Variants in SLC4A7 observed in about 807,000 individuals in gnomAD.
SLC4A7 encodes solute carrier family 4 member 7.
In SLC4A7, 51 loss-of-function variants were observed where a neutral mutation model predicts 137.6. The ratio of observed to expected loss-of-function variants is 0.37; its 90% CI spans 0.30 to 0.47. The LOEUF (loss-of-function observed/expected upper bound fraction) is 0.47, where lower values mean the gene tolerates loss of function less well. SLC4A7 is among the 20% of genes least tolerant of loss of function. SLC4A7 has a pLI of 1.00. For synonymous variants in SLC4A7, 542 were observed against 518.6 expected, an observed-to-expected ratio of 1.05 and a Z score of -0.61; for missense variants, 1,247 against 1,525.4, an observed-to-expected ratio of 0.82 and a Z score of 3.04.
At chr3:27,424,995 G>A (rs527796607) in intron 7 of SLC4A7, among the ~76,000 whole-genome samples, 5 of 152,190 alleles carry the variant, frequency 3.3e-5, no homozygotes, top group South Asian at 2.1e-4. Flanking sequence ...CCAACATTTC[G>A]CAATAATAAA....
rs2049833136 is a variant in SLC4A7, at chr3:27,375,355, G to C, written c.*1409C>G. ...TTTGATTTTTGTAAATTATTCTCTT[G>C]TCAAATCAGTTTCACAACCCCATTC... On this transcript the variant is annotated 3_prime_UTR_variant, in exon 26 of 26. Transcript: ENST00000454389. 1 of 151,934 alleles carries C rather than the reference G, an allele frequency of 6.6e-6. No homozygotes were observed. Among genetic ancestry groups the C allele is most frequent in the South Asian group, 2.1e-4 (1 of 4,824 alleles). 9.4% of individuals were successfully genotyped at this position (151,934 alleles called of 1,614,324 possible). A position where few individuals can be genotyped will look rare whatever the true frequency, so the allele number is the denominator to read the frequency against.
At chr3:27,399,380 C>T (rs1450046063) in intron 16 of SLC4A7, among the ~76,000 whole-genome samples, 5 of 152,284 alleles carry the variant, frequency 3.3e-5, no homozygotes, top group African/African-American at 1.2e-4. Context: ...TACACCTCTT[C>T]CTTAACAAAA....
chr3:27,480,806 CT>C (rs2150760296), intron 1 of SLC4A7, among the ~76,000 whole-genome samples: 1 of 151,644 alleles, frequency 6.6e-6, no homozygotes, highest in East Asian at 1.9e-4. Flanking sequence ...TTTTTAATTT[CT>C]TACAGACTGA....
chr3:27,464,653 A>C (rs1183632754), intron 1 of SLC4A7, among the ~76,000 whole-genome samples: 1 of 151,996 alleles, frequency 6.6e-6, no homozygotes, highest in Non-Finnish European at 1.5e-5. Context: ...AGATCGCACC[A>C]CTGTACTCCC....
Position 27,403,240 on chromosome 3 carries a change from A to G in SLC4A7, c.2220T>C (p.Ile740=). The G allele has an allele frequency of 6.2e-7, 1 of 1,614,020 alleles. No individual in the cohort carries two copies. ...RFTEEAFAAL[I]CIIFIYEALE... ...AAGCCTCGTAGATGAATATGATGCA[A>G]ATAAGGGCTGCAAAAGCCTCTTCTG... Residue 740 remains isoleucine (I), a synonymous_variant, in exon 15 of 26, where the codon ATT becomes ATC. Transcript: ENST00000454389.
intron 7 of SLC4A7, chr3:27,424,502 C>T (rs1037588010): frequency 1.8e-5 from 3 of 162,670 alleles, no homozygotes; most frequent in Non-Finnish European, 4.0e-5. Flanking sequence ...TTATCATAAA[C>T]ATGTGAAATG....
rs113652803 is a variant in SLC4A7 at position 27,383,108 on chromosome 3, T to C, written c.3590+45A>G. ...AAGCATTATATGACTTATTAATACA[T>C]TTGACATGCATATAAAAGTTTTAGA... On this transcript the variant is annotated intron_variant, in intron 24 of 25. Transcript: ENST00000454389. The C allele has an allele frequency of 8.5e-4, 905 of 1,063,528 alleles. 2 individuals carry two copies. The African/African-American group carries it at 0.012, about 14-fold the overall frequency. 65.9% of individuals were successfully genotyped at this position (1,063,528 alleles called of 1,614,324 possible).
intron 1 of SLC4A7, among the ~76,000 whole-genome samples, chr3:27,472,975 G>A (rs2059312211): frequency 6.6e-6 from 1 of 152,100 alleles, no homozygotes; most frequent in Non-Finnish European, 1.5e-5. Context: ...AGCTACTCGG[G>A]AGGCTGAGGC....
chr3:27,434,228 T>G (rs566259378), intron 5 of SLC4A7, 124 bp from the exon 6 acceptor site: 1 of 592,376 alleles, frequency 1.7e-6, no homozygotes, highest in Admixed American at 3.7e-5. Flanking sequence ...TTTTATTCTG[T>G]CACAAATAAT....
intron 11 of SLC4A7, among the ~76,000 whole-genome samples, chr3:27,416,007 C>A (rs536750424): frequency 6.6e-6 from 1 of 152,216 alleles, no homozygotes; most frequent in Non-Finnish European, 1.5e-5. Flanking sequence ...AAGAATTCAA[C>A]TTCATCTTAC....
rs182174406 is a variant in SLC4A7, at chr3:27,461,408, C to T, written c.61-8910G>A. ...AGCGAGACACTGTCTCAAAAAAAAA[C>T]AAAAACAAAACAAAACAAACAAACA... On this transcript the variant is annotated intron_variant, in intron 1 of 25. Transcript: ENST00000454389. 4.0e-5 allele frequency among the ~76,000 whole-genome samples: 6 copies of T among 151,354 alleles called. No homozygotes were observed. The East Asian group carries it at 1.2e-3, about 29-fold the overall frequency.
chr3:27,378,577 G>C (rs541593120), intron 25 of SLC4A7, among the ~76,000 whole-genome samples: 1 of 152,278 alleles, frequency 6.6e-6, no homozygotes, highest in South Asian at 2.1e-4. Context: ...AACAAGAAAT[G>C]TAAGAAAGAG....
rs868171586 is a variant in SLC4A7 at position 27,468,584 on chromosome 3, T to C, written c.60+15483A>G. ...CAACATGGTTCTAGGAAGAAATTAATAATAATTGTAATAATATAGGTTCTA... is the reference window on the plus strand; with the variant it reads ...CAACATGGTTCTAGGAAGAAATTAACAATAATTGTAATAATATAGGTTCTA... On this transcript the variant is annotated intron_variant, in intron 1 of 25. Transcript: ENST00000454389. 2.4e-4 allele frequency among the ~76,000 whole-genome samples: 36 copies of C among 151,912 alleles called. No individual in the cohort carries two copies. In the Middle Eastern group the frequency reaches 0.01, roughly 43 times the overall value.
chr3:27,431,272 A>G, intron 7 of SLC4A7, 26 bp downstream of exon 7: 1 of 1,542,804 alleles, frequency 6.5e-7, no homozygotes, highest in Non-Finnish European at 8.7e-7. Flanking sequence ...AGAAAGCACC[A>G]CACATGGAGG....
Position 27,400,877 on chromosome 3 carries a change from AT to A in SLC4A7, c.2322-9del. ...GGTTCAGTACATACACATCTGAGAA[AT>A]TAGAGTAGGATACATTTTTAAGGAT... On this transcript the variant is annotated splice_polypyrimidine_tract_variant and intron_variant, in intron 15 of 25. Transcript: ENST00000454389. 7.0e-7 allele frequency: 1 copy of A among 1,435,036 alleles called. No individual in the cohort carries two copies. Among genetic ancestry groups the A allele is most frequent in the Non-Finnish European group, 9.8e-7 (1 of 1,022,564 alleles). 88.9% of individuals were successfully genotyped at this position (1,435,036 alleles called of 1,614,324 possible).
intron 23 of SLC4A7, 99 bp from the exon 24 acceptor site, chr3:27,383,349 CATT>C (rs1326266000): frequency 3.6e-6 from 3 of 830,776 alleles, no homozygotes; most frequent in South Asian, 1.5e-5. Flanking sequence ...CCCAAACTGA[CATT>C]ATTTAAATAT....
At chr3:27,454,114 A>G (rs1196949069) in intron 1 of SLC4A7, among the ~76,000 whole-genome samples, 1 of 152,146 alleles carries the variant, frequency 6.6e-6, no homozygotes, top group African/African-American at 2.4e-5. Context: ...GTTTGAGACC[A>G]GCCTAGACAA....
At chr3:27,417,463 T>A (rs1576328586) in intron 11 of SLC4A7, among the ~76,000 whole-genome samples, 1 of 152,098 alleles carries the variant, frequency 6.6e-6, no homozygotes, top group East Asian at 1.9e-4. Context: ...AATTAAAACC[T>A]CATTAAAAGG....
chr3:27,397,855 T>A, intron 17 of SLC4A7, 58 bp from the exon 18 acceptor site: 1 of 974,060 alleles, frequency 1.0e-6, no homozygotes, highest in Non-Finnish European at 1.6e-6. Context: ...TCTTTCTAAA[T>A]AATTCACATC....
Sources: gnomAD v4.1 joint callset for allele counts (sites outside exome capture counted in the v4.1 genomes callset) on GRCh38, gnomAD v4.1.1 for gene constraint, MANE v1.5 for transcripts, NCBI Gene and HGNC (gene_info 2026-07-23, HGNC 2026-07-21) for gene names.